RAB3IP: variants seen among roughly 807,000 people sequenced by gnomAD.
RAB3IP encodes the protein RAB3A interacting protein.
In RAB3IP, 36 loss-of-function variants were observed where a neutral mutation model predicts 59.1. The observed-to-expected ratio is 0.61, with a 90% CI of 0.47 to 0.80. The LOEUF (loss-of-function observed/expected upper bound fraction) is 0.80. RAB3IP is among the 30% of genes least tolerant of loss of function. RAB3IP has a pLI of 0.00. For synonymous variants in RAB3IP, 207 were observed against 191.2 expected, an observed-to-expected ratio of 1.08 and a Z score of -0.68; for missense variants, 511 against 536.0, an observed-to-expected ratio of 0.95 and a Z score of 0.46.
intron 4 of RAB3IP, among the ~76,000 whole-genome samples, chr12:69,793,807 C>T (rs1877021297): frequency 6.6e-6 from 1 of 152,110 alleles, no homozygotes; most frequent in Admixed American, 6.5e-5. Flanking sequence ...AAGGAGATGA[C>T]ATGAGTAAAT....
At chr12:69,797,004 A>G (rs942895093) in intron 6 of RAB3IP, among the ~76,000 whole-genome samples, 2 of 152,228 alleles carry the variant, frequency 1.3e-5, no homozygotes, top group Non-Finnish European at 2.9e-5. Flanking sequence ...CTGATGTTTC[A>G]TGAAAAACTT....
At chr12:69,805,721 T>A (rs1466995051) in intron 8 of RAB3IP, among the ~76,000 whole-genome samples, 1 of 152,150 alleles carries the variant, frequency 6.6e-6, no homozygotes, top group African/African-American at 2.4e-5. Context: ...TGTTGAATTT[T>A]GTCAAAGGCC....
At chr12:69,740,499 A>G (rs1266900776) in intron 1 of RAB3IP, among the ~76,000 whole-genome samples, 1 of 152,212 alleles carries the variant, frequency 6.6e-6, no homozygotes, top group African/African-American at 2.4e-5. Context: ...GTAATGTTAC[A>G]TATTAATGTA....
intron 8 of RAB3IP, among the ~76,000 whole-genome samples, chr12:69,803,933 A>G (rs1878809113): frequency 1.3e-5 from 2 of 152,106 alleles, no homozygotes; most frequent in African/African-American, 2.4e-5. Context: ...AGTCTTTGCT[A>G]TTGCGAATAG....
At chr12:69,786,736 A>C (rs1875714042) in intron 4 of RAB3IP, among the ~76,000 whole-genome samples, 2 of 152,186 alleles carry the variant, frequency 1.3e-5, no homozygotes, top group African/African-American at 4.8e-5. Flanking sequence ...GAAGTAGAAA[A>C]AACAGAAAGA....
chr12:69,806,913 C>T lies in RAB3IP; in HGVS notation c.1130+5192C>T, dbSNP rs546805888. On this transcript the variant is annotated intron_variant, in intron 8 of 10. Transcript: ENST00000247833. ...GGTTGGGGGTAAGGTTATAGATTAA[C>T]AGCATCCCAAGGCAGAAGAATTTTT... is the stretch of plus-strand genomic sequence containing the variant. Among the ~76,000 whole-genome samples the T allele has an allele frequency of 2.0e-5, 3 of 152,256 alleles. No individual in the cohort carries two copies. The South Asian group carries it at 6.2e-4, about 32-fold the overall frequency.
rs371300116 is a variant in RAB3IP, at chr12:69,744,754, A to G, written c.-26+5723A>G. Among the ~76,000 whole-genome samples, 33 of 152,286 alleles carry G rather than the reference A, an allele frequency of 2.2e-4. 1 individual carries two copies. In the South Asian group the frequency reaches 6.4e-3, roughly 30 times the overall value. On this transcript the variant is annotated intron_variant, in intron 1 of 10. Transcript: ENST00000247833. ...AATTCATTTGTGATCTATTATAATA[A>G]AAATGGGAAAATTGTGTAGCCTGAT...
At chr12:69,782,284 G>GTAGATGGGATCTTCATCTAC (rs1874866394) in intron 3 of RAB3IP, among the ~76,000 whole-genome samples, 3 of 152,204 alleles carry the variant, frequency 2.0e-5, no homozygotes, top group Admixed American at 6.5e-5. Flanking sequence ...CCTGCCTCAG[G>GTAGATGGGATCTTCATCTAC]CTTCTGAGTA....
Position 69,763,436 on chromosome 12 carries a change from G to A in RAB3IP, c.510+6773G>A, listed in dbSNP as rs1212853527. Among the ~76,000 whole-genome samples, 8 of 152,334 alleles carry A rather than the reference G, an allele frequency of 5.3e-5. No individual in the cohort carries two copies. In the East Asian group the frequency reaches 1.2e-3, roughly 22 times the overall value. On this transcript the variant is annotated intron_variant, in intron 3 of 10. Coordinates refer to ENST00000247833, the MANE Select transcript of RAB3IP (RefSeq NM_022456.5). Reference sequence around the variant, plus strand: ...TGAGCATGTAAAAAATTGTTGCCATGACCCTTGCTCTTGATCAGTCCACTT... The same window carrying A: ...TGAGCATGTAAAAAATTGTTGCCATAACCCTTGCTCTTGATCAGTCCACTT...
At chr12:69,738,582 CAG>C (rs1886892382), upstream of RAB3IP, 1 of 81,560 alleles carries the variant, frequency 1.2e-5, no homozygotes, top group Non-Finnish European at 3.4e-5. Flanking sequence ...CCCGGCGAAA[CAG>C]AGCGCGGGCC....
rs753422015 is a variant in RAB3IP at position 69,801,653 on chromosome 12, C to T, written c.1062C>T (p.Ser354=). 2 of 1,612,796 alleles carry T rather than the reference C, an allele frequency of 1.2e-6. No individual in the cohort carries two copies. Among genetic ancestry groups the T allele is most frequent in the Admixed American group, 1.7e-5 (1 of 59,934 alleles). Reference sequence around the variant, plus strand: ...AGGCTGTGGAAAACAATACTCTAAGCATTGAACCAGTGGGATTACAACCTA... The same window carrying T: ...AGGCTGTGGAAAACAATACTCTAAGTATTGAACCAGTGGGATTACAACCTA... ...VLEAVENNTL[S]IEPVGLQPIR... Residue 354 remains serine (S), a synonymous_variant, in exon 8 of 11, where the codon AGC becomes AGT. Transcript: ENST00000247833.
chr12:69,748,103 A>G (rs1439801488), intron 1 of RAB3IP, among the ~76,000 whole-genome samples: 4 of 147,280 alleles, frequency 2.7e-5, no homozygotes, highest in Admixed American at 1.4e-4. Context: ...TTAAAATTCT[A>G]TGTTTCCCAT....
intron 1 of RAB3IP, among the ~76,000 whole-genome samples, chr12:69,754,593 C>T (rs11177829): frequency 0.099 from 15,037 of 152,002 alleles, 842 homozygotes; most frequent in South Asian, 0.18. Context: ...TAGTTCCTGA[C>T]GATATATTGT....
chr12:69,740,571 C>T (rs1478570503), intron 1 of RAB3IP, among the ~76,000 whole-genome samples: 2 of 152,212 alleles, frequency 1.3e-5, no homozygotes, highest in East Asian at 3.8e-4. Context: ...AACAACTCAT[C>T]TGTGGTACTG....
intron 4 of RAB3IP, among the ~76,000 whole-genome samples, chr12:69,785,868 C>T (rs1313712182): frequency 6.6e-6 from 1 of 152,004 alleles, no homozygotes; most frequent in African/African-American, 2.4e-5. Context: ...ATACAGATAC[C>T]CCTGGGGGTG....
chr12:69,753,184 A>G (rs959531570), intron 1 of RAB3IP, among the ~76,000 whole-genome samples: 4 of 152,192 alleles, frequency 2.6e-5, no homozygotes, highest in Non-Finnish European at 5.9e-5. Flanking sequence ...TGTAATTTTG[A>G]AATGATACTG....
chr12:69,742,600 A>G (rs780177499), intron 1 of RAB3IP, among the ~76,000 whole-genome samples: 1 of 152,190 alleles, frequency 6.6e-6, no homozygotes, highest in South Asian at 2.1e-4. Flanking sequence ...TAGCTTTAAC[A>G]TCGGGCCAGG....
intron 7 of RAB3IP, among the ~76,000 whole-genome samples, chr12:69,801,061 T>C (rs1743393538): frequency 6.6e-6 from 1 of 152,224 alleles, no homozygotes; most frequent in African/African-American, 2.4e-5. Flanking sequence ...GGCCATTCAG[T>C]ATTAGTAACC....
At chr12:69,768,491 G>T (rs1042573968) in intron 3 of RAB3IP, among the ~76,000 whole-genome samples, 2 of 152,138 alleles carry the variant, frequency 1.3e-5, no homozygotes, top group Non-Finnish European at 2.9e-5. Flanking sequence ...TACAGTGTAT[G>T]CCCAGGAAAG....
Sources: allele counts gnomAD v4.1 joint callset (sites outside exome capture counted in the v4.1 genomes callset), GRCh38; gene constraint gnomAD v4.1.1; transcripts MANE v1.5; gene names NCBI Gene and HGNC (gene_info 2026-07-23, HGNC 2026-07-21).